Variants in LRP1B observed in about 807,000 individuals in gnomAD.
LRP1B encodes LDL receptor related protein 1B.
A neutral mutation model predicts 556.6 loss-of-function variants in LRP1B; 217 were observed. The ratio of observed to expected loss-of-function variants is 0.39; its 90% CI spans 0.35 to 0.44. The LOEUF (loss-of-function observed/expected upper bound fraction) is 0.44, where lower values mean the gene tolerates loss of function less well. Ranked by LOEUF, LRP1B falls within the 20% of genes least tolerant of loss-of-function variation. The probability of loss-of-function intolerance (pLI) is 1.00; values close to 1 mark genes in which losing one functional copy is unlikely to be tolerated. For missense variants in LRP1B, 5,053 were observed against 5,620.8 expected (o/e 0.90, Z 3.23); for synonymous variants, 2,047 against 1,865.8 (o/e 1.10, Z -2.50).
intron 7 of LRP1B, among the ~76,000 whole-genome samples, chr2:141,121,736 T>A (rs147777875): frequency 0.015 from 2,237 of 152,000 alleles, 43 homozygotes; most frequent in African/African-American, 0.049. Context: ...CTTCACAGAA[T>A]TGGGAAAAAA....
At chr2:140,660,853 T>C (rs940783867) in intron 41 of LRP1B, among the ~76,000 whole-genome samples, 4 of 146,252 alleles carry the variant, frequency 2.7e-5, no homozygotes, top group African/African-American at 5.2e-5. Context: ...TCCCATTAGG[T>C]TCTTCCTGTC....
rs559829915 is a variant in LRP1B, at chr2:141,318,694, C to T, written c.344-64053G>A. 1.1e-4 allele frequency among the ~76,000 whole-genome samples: 17 copies of T among 152,182 alleles called. 1 individual carries two copies. The South Asian group carries it at 3.5e-3, about 32-fold the overall frequency. The stretch of plus-strand genomic sequence containing the variant: ...CACTTCAAAGGTTAGTTTAAGTAGA[C>T]AAGAGCTCCTTTGAGGGAGGAACCC... On this transcript the variant is annotated intron_variant, in intron 3 of 90. Coordinates refer to ENST00000389484, the MANE Select transcript of LRP1B (RefSeq NM_018557.3).
chr2:140,867,875 T>C (rs1692999511), intron 26 of LRP1B, 41 bp from the exon 27 acceptor site: 12 of 1,491,632 alleles, frequency 8.0e-6, no homozygotes, highest in African/African-American at 2.8e-5. Context: ...TCAAAACTCA[T>C]TCAACTAGTC....
intron 23 of LRP1B, among the ~76,000 whole-genome samples, chr2:140,888,391 A>G (rs1693702487): frequency 6.6e-6 from 1 of 151,988 alleles, no homozygotes; most frequent in South Asian, 2.1e-4. Context: ...AACTACAGAA[A>G]TTGATAAAAT....
chr2:141,521,059 T>C (rs980810264), intron 2 of LRP1B, among the ~76,000 whole-genome samples: 5 of 152,046 alleles, frequency 3.3e-5, no homozygotes, highest in Admixed American at 2.6e-4. Context: ...GCTCTAGGCA[T>C]ACAATCAACC....
intron 14 of LRP1B, among the ~76,000 whole-genome samples, chr2:141,012,739 C>G (rs1697791998): frequency 6.6e-6 from 1 of 151,844 alleles, no homozygotes; most frequent in Non-Finnish European, 1.5e-5. Flanking sequence ...GCTGAAATAT[C>G]TTCAAAAACT....
At chr2:140,257,228 C>A (rs977226266) in intron 86 of LRP1B, among the ~76,000 whole-genome samples, 1 of 151,998 alleles carries the variant, frequency 6.6e-6, no homozygotes, top group Non-Finnish European at 1.5e-5. Flanking sequence ...TAAAATAAAC[C>A]TTTGTTGTTA....
At chr2:140,696,625 G>A (rs148414431) in intron 41 of LRP1B, among the ~76,000 whole-genome samples, 3 of 152,260 alleles carry the variant, frequency 2.0e-5, no homozygotes, top group African/African-American at 7.2e-5. Flanking sequence ...AATAGCAGGA[G>A]GTGAGCAGCA....
At chr2:141,085,500 C>T (rs1700028713) in intron 7 of LRP1B, among the ~76,000 whole-genome samples, 1 of 152,152 alleles carries the variant, frequency 6.6e-6, no homozygotes, top group African/African-American at 2.4e-5. Flanking sequence ...GGAATGCACA[C>T]ACCGAGGAAA....
chr2:140,976,072 C>A (rs556822870), intron 18 of LRP1B, among the ~76,000 whole-genome samples: 20 of 152,090 alleles, frequency 1.3e-4, no homozygotes, highest in African/African-American at 4.1e-4. Flanking sequence ...TACCCATCAC[C>A]ACCCCTGGCT....
At chr2:141,305,827 T>C (rs1686567784) in intron 3 of LRP1B, among the ~76,000 whole-genome samples, 1 of 152,226 alleles carries the variant, frequency 6.6e-6, no homozygotes, top group African/African-American at 2.4e-5. Flanking sequence ...AATTTCTTCC[T>C]GCATCTATTT....
Position 140,510,015 on chromosome 2 carries a change from A to G in LRP1B, c.8311T>C (p.Ser2771Pro), listed in dbSNP as rs1357978885. The G allele has an allele frequency of 6.2e-7, 1 of 1,613,854 alleles. No homozygotes were observed. The highest frequency in any genetic ancestry group is 8.5e-7 in the Non-Finnish European group (1 of 1,180,032). The stretch of plus-strand genomic sequence containing the variant: ...CAATGTCGGGGCACGCAGGCACGAG[A>G]GCCCTGGCAGCTGAACATGTCAGCA... ...CAADMFSCQG[S>P]RACVPRHWLC... Residue 2771 changes from serine to proline, a missense_variant, in exon 52 of 91, where the codon TCT (serine) becomes CCT (proline). Transcript: ENST00000389484.
intron 2 of LRP1B, among the ~76,000 whole-genome samples, chr2:141,767,564 C>A (rs1694768096): frequency 6.6e-6 from 1 of 151,946 alleles, no homozygotes; most frequent in Admixed American, 6.6e-5. Context: ...TTCTATCCTG[C>A]TCTTAATTTT....
rs771535396 is a variant in LRP1B, at chr2:141,015,740, A to G, written c.2146T>C (p.Tyr716His). Residue 716 changes from tyrosine to histidine, a missense_variant, in exon 13 of 91, where the codon TAC (tyrosine) becomes CAC (histidine). By Grantham distance (83) the Tyr-to-His change is moderately conservative. Around this residue, in one of 5 missense-constraint regions of LRP1B, gnomAD observed 3,619 missense variants for 3,931.9 expected, o/e 0.92. Coordinates refer to ENST00000389484, the MANE Select transcript of LRP1B (RefSeq NM_018557.3). ...TNTLYWCDAY[Y>H]DHIEKVFLNG... is the part of the protein sequence containing the mutation. ...AAAAATACTTTTTCAATATGATCGT[A>G]ATAGGCATCACACCAGTATAATGTG... 6.2e-7 allele frequency: 1 copy of G among 1,613,348 alleles called. No individual in the cohort carries two copies. The highest frequency in any genetic ancestry group is 8.5e-7 in the Non-Finnish European group (1 of 1,179,636).
At chr2:140,642,400 G>A (rs538796660) in intron 41 of LRP1B, among the ~76,000 whole-genome samples, 1 of 152,240 alleles carries the variant, frequency 6.6e-6, no homozygotes, top group South Asian at 2.1e-4. Context: ...TAACTACAAT[G>A]TCCCAATATA....
At chr2:140,406,100 T>C (rs1444835014) in intron 66 of LRP1B, among the ~76,000 whole-genome samples, 1 of 152,102 alleles carries the variant, frequency 6.6e-6, no homozygotes, top group African/African-American at 2.4e-5. Context: ...CATATAATCA[T>C]CTTAACTGAT....
intron 83 of LRP1B, among the ~76,000 whole-genome samples, chr2:140,308,125 T>C (rs1420719209): frequency 1.3e-5 from 2 of 151,866 alleles, no homozygotes; most frequent in African/African-American, 4.8e-5. Flanking sequence ...CAATATACTT[T>C]CATTTGAATA....
intron 47 of LRP1B, among the ~76,000 whole-genome samples, chr2:140,528,267 G>C (rs1690525712): frequency 6.6e-6 from 1 of 151,990 alleles, no homozygotes; most frequent in Admixed American, 6.6e-5. Flanking sequence ...TGAGAGAAGA[G>C]TGGAAGGACA....
At chr2:140,561,911 C>T (rs530882356) in intron 43 of LRP1B, among the ~76,000 whole-genome samples, 2 of 151,952 alleles carry the variant, frequency 1.3e-5, no homozygotes, top group South Asian at 4.1e-4. Flanking sequence ...GATGGTTTAT[C>T]TCAGGAATGC....
Sources: gnomAD v4.1 joint callset for allele counts (sites outside exome capture counted in the v4.1 genomes callset) on GRCh38, gnomAD v4.1.1 for gene constraint, gnomAD v4.1.1 regional missense constraint, MANE v1.5 for transcripts, NCBI Gene and HGNC (gene_info 2026-07-23, HGNC 2026-07-21) for gene names.